Variants in C9orf72 observed in about 807,000 individuals in gnomAD.
C9orf72 encodes the protein C9orf72-SMCR8 complex subunit.
Under a neutral mutation model 51.6 loss-of-function variants are expected in C9orf72, and 44 were observed. The ratio of observed to expected loss-of-function variants is 0.85; its 90% CI spans 0.67 to 1.10. The LOEUF is 1.10. Among genes scored for constraint, C9orf72 ranks in the 50% least tolerant of loss-of-function variants. The pLI is 0.00. For synonymous variants in C9orf72, 213 were observed against 194.2 expected (o/e 1.10, Z -0.81); for missense variants, 607 against 570.6 (o/e 1.06, Z -0.65).
intron 2 of C9orf72, among the ~76,000 whole-genome samples, chr9:27,566,149 T>C (rs916202611): frequency 6.6e-6 from 1 of 152,156 alleles, no homozygotes; most frequent in African/African-American, 2.4e-5. Context: ...AATAGCATTA[T>C]ATATTCAACT....
chr9:27,552,836 C>G (rs1331655103), intron 8 of C9orf72, among the ~76,000 whole-genome samples: 1 of 152,078 alleles, frequency 6.6e-6, no homozygotes, highest in Admixed American at 6.5e-5. Context: ...CAAAGTAGAT[C>G]AGCTTTTTGA....
chr9:27,561,527 A>G, intron 5 of C9orf72, 58 bp downstream of exon 5: 1 of 1,598,618 alleles, frequency 6.3e-7, no homozygotes, highest in Non-Finnish European at 8.5e-7. Context: ...ATCTTGTCAT[A>G]GGTGAGCATA....
At chr9:27,559,735 G>A (rs1565948) in intron 6 of C9orf72, 66,226 of 151,906 alleles carry the variant, frequency 0.44, 15,096 homozygotes, top group South Asian at 0.5. Context: ...AACTCAAGTA[G>A]CACTGAAGGA....
chr9:27,555,635 C>T (rs1377808961), intron 8 of C9orf72, among the ~76,000 whole-genome samples: 1 of 151,362 alleles, frequency 6.6e-6, no homozygotes, highest in Non-Finnish European at 1.5e-5. Flanking sequence ...ATCATAACTC[C>T]CTGTAACCTC....
chr9:27,560,478 T>G, intron 5 of C9orf72, 179 bp from the exon 6 acceptor site: 1 of 616,992 alleles, frequency 1.6e-6, no homozygotes, highest in Non-Finnish European at 2.5e-6. Context: ...TCTAGAGACC[T>G]TTCACAGAAA....
In C9orf72 at chr9:27,554,446, A is replaced by G. The variant is rs139000798; in HGVS notation, c.1091+2115T>C. 1.8e-3 allele frequency: 721 copies of G among 395,972 alleles called. 4 individuals carry two copies. The highest frequency in any genetic ancestry group is 0.014 in the African/African-American group (666 of 48,660). The allele number at this position is 395,972 out of a possible 1,614,324, so 24.5% of individuals were successfully genotyped here. On this transcript the variant is annotated intron_variant, in intron 8 of 10. Coordinates refer to ENST00000380003, the MANE Select transcript of C9orf72 (RefSeq NM_018325.5). ...AGTGGGAGCTAAACACTGAGTATAC[A>G]TGGACACAAAGAAGGAAACAGCAAC...
At chr9:27,551,995 T>C (rs907362728) in intron 8 of C9orf72, among the ~76,000 whole-genome samples, 1 of 152,206 alleles carries the variant, frequency 6.6e-6, no homozygotes, top group Admixed American at 6.5e-5. Context: ...TGTTGGAGTA[T>C]AGAGAATGCC....
chr9:27,556,106 T>C (rs1819188923), intron 8 of C9orf72, among the ~76,000 whole-genome samples: 1 of 152,018 alleles, frequency 6.6e-6, no homozygotes, highest in Non-Finnish European at 1.5e-5. Context: ...TAAAAAAATG[T>C]TCCATTAATA....
At chr9:27,562,107 A>G (rs549868349) in intron 4 of C9orf72, among the ~76,000 whole-genome samples, 9 of 152,338 alleles carry the variant, frequency 5.9e-5, no homozygotes, top group African/African-American at 1.7e-4. Context: ...AATTGCTCCT[A>G]TAAGAGCTGG....
At chr9:27,554,887 G>C (rs756281993) in intron 8 of C9orf72, among the ~76,000 whole-genome samples, 1 of 152,076 alleles carries the variant, frequency 6.6e-6, no homozygotes, top group Non-Finnish European at 1.5e-5. Flanking sequence ...ATTTTGTCAT[G>C]ATCAGCAAAA....
chr9:27,565,027 C>T (rs1819433465), intron 3 of C9orf72, among the ~76,000 whole-genome samples: 1 of 152,078 alleles, frequency 6.6e-6, no homozygotes, highest in Non-Finnish European at 1.5e-5. Flanking sequence ...TAAGAAATAT[C>T]ACTGACAAAT....
At chr9:27,561,372 G>A (rs922337087) in intron 5 of C9orf72, 23 of 1,280,970 alleles carry the variant, frequency 1.8e-5, no homozygotes, top group African/African-American at 1.3e-4. Flanking sequence ...ATGGAAACTC[G>A]GTTTCTTTAA....
Position 27,565,513 on chromosome 9 carries a change from T to C in C9orf72, c.504+18A>G. 6.6e-7 allele frequency: 1 copy of C among 1,524,282 alleles called. No individual in the cohort carries two copies. Among genetic ancestry groups the C allele is most frequent in the Non-Finnish European group, 9.1e-7 (1 of 1,101,322 alleles). The allele number at this position is 1,524,282 out of a possible 1,614,324, so 94.4% of individuals were successfully genotyped here. On this transcript the variant is annotated intron_variant, in intron 3 of 10. Transcript: ENST00000380003. ...ATGCTGTGAGAAAAACATTTGACAG[T>C]ATGCAATTTGCATATACCTGATCTT...
chr9:27,568,959 A>C (rs1419123571), intron 1 of C9orf72, among the ~76,000 whole-genome samples: 1 of 152,062 alleles, frequency 6.6e-6, no homozygotes, highest in African/African-American at 2.4e-5. Flanking sequence ...AAAACCTTCC[A>C]GTGGGACAAG....
At chr9:27,561,735 C>T (rs1236239031) in intron 4 of C9orf72, 86 bp from the exon 5 acceptor site, 15 of 828,986 alleles carry the variant, frequency 1.8e-5, no homozygotes, top group South Asian at 1.3e-4. Flanking sequence ...TTTCGGAAGT[C>T]TGGATTCAAT....
intron 6 of C9orf72, chr9:27,559,368 T>C (rs1036617074): frequency 1.3e-5 from 2 of 151,390 alleles, no homozygotes; most frequent in Non-Finnish European, 2.9e-5. Context: ...AGATCACAGA[T>C]GGAAAGCCAC....
chr9:27,556,634 A>G lies in C9orf72; in HGVS notation c.1018T>C (p.Trp340Arg), dbSNP rs371377376. The G allele has an allele frequency of 1.9e-6, 3 of 1,614,058 alleles. No homozygotes were observed. Among genetic ancestry groups the G allele is most frequent in the African/African-American group, 1.3e-5 (1 of 75,040 alleles). Reference sequence around the variant, plus strand: ...ATGTCTTCTTCTGAAGTGGCTCTCCAGAAGGCTGTCAGCTCGGATCTCATG... The same window carrying G: ...ATGTCTTCTTCTGAAGTGGCTCTCCGGAAGGCTGTCAGCTCGGATCTCATG... Reference protein sequence around the residue: ...RYMRSELTAFWRATSEEDMAQ... With the variant: ...RYMRSELTAFRRATSEEDMAQ... Residue 340 changes from tryptophan (W) to arginine (R), a missense_variant, in exon 8 of 11, where the codon TGG becomes CGG. Transcript: ENST00000380003.
intron 1 of C9orf72, among the ~76,000 whole-genome samples, 174 bp downstream of exon 1, chr9:27,573,257 G>A (rs1819630294): frequency 6.6e-6 from 1 of 151,818 alleles, no homozygotes; most frequent in Non-Finnish European, 1.5e-5. Context: ...CCCGGATGCA[G>A]GCAATTCCAC....
At chr9:27,573,062 C>A (rs1349426239) in intron 1 of C9orf72, among the ~76,000 whole-genome samples, 1 of 152,152 alleles carries the variant, frequency 6.6e-6, no homozygotes, top group Admixed American at 6.5e-5. Context: ...CTCCGGCCTT[C>A]CCCCAGGCGA....
Sources: allele counts gnomAD v4.1 joint callset (sites outside exome capture counted in the v4.1 genomes callset), GRCh38; gene constraint gnomAD v4.1.1; transcripts MANE v1.5; gene names NCBI Gene and HGNC (gene_info 2026-07-23, HGNC 2026-07-21).